The following CCP110 variants were observed in gnomAD, a reference collection of about 807,000 sequenced individuals.
CCP110 encodes centriolar coiled-coil protein of 110 kDa.
CCP110 carries 43 observed loss-of-function variants against 105.5 expected under a neutral mutation model. The observed-to-expected ratio is 0.41, with a 90% CI of 0.32 to 0.53. The LOEUF is 0.53. Ranked by LOEUF, CCP110 falls within the 20% of genes least tolerant of loss-of-function variation. The pLI is 0.32. For synonymous variants in CCP110, 353 were observed against 392.1 expected (o/e 0.90, Z 1.18); for missense variants, 1,016 against 1,189.1 (o/e 0.85, Z 2.14).
At position 19,536,706 on chromosome 16, in the gene CCP110, CT is replaced by C; in HGVS notation, c.1041del (p.Phe347LeufsTer25). ...AATTCTGATTTTAAAGTTATTCCCA[CT>C]TTTGTTACCGAAAATAATGTTATCA... On this transcript the variant is annotated frameshift_variant, in exon 4 of 15. Transcript: ENST00000381396. LOFTEE classifies it high-confidence loss of function. The C allele has an allele frequency of 1.9e-6, 3 of 1,614,186 alleles. No individual in the cohort carries two copies. The East Asian group carries it at 6.7e-5, about 36-fold the overall frequency.
At chr16:19,541,499 A>G (rs1421437403) in intron 5 of CCP110, among the ~76,000 whole-genome samples, 1 of 151,524 alleles carries the variant, frequency 6.6e-6, no homozygotes, top group East Asian at 2.0e-4. Flanking sequence ...TGGTGTATGG[A>G]CCTGTAGTCC....
intron 5 of CCP110, among the ~76,000 whole-genome samples, chr16:19,541,676 GA>G (rs1970288905): frequency 7.1e-6 from 1 of 140,110 alleles, no homozygotes; most frequent in African/African-American, 2.7e-5. Flanking sequence ...GAGAGAGAGA[GA>G]GAGAGAAAGG....
rs376141087 is a variant in CCP110 at position 19,527,587 on chromosome 16, G to A, written c.-15-280G>A. 1.8e-4 allele frequency among the ~76,000 whole-genome samples: 27 copies of A among 152,176 alleles called. No homozygotes were observed. The East Asian group carries it at 3.9e-3, about 22-fold the overall frequency. ...TACAGAACTTTGTTTCCTTTAAGAA[G>A]GTTTTACTGAATTCTTAGCTAAATT... On this transcript the variant is annotated intron_variant, in intron 1 of 14. Coordinates refer to ENST00000381396, the Ensembl canonical transcript of CCP110.
intron 4 of CCP110, among the ~76,000 whole-genome samples, chr16:19,540,444 G>A (rs1484390890): frequency 6.6e-6 from 1 of 152,188 alleles, no homozygotes; most frequent in Non-Finnish European, 1.5e-5. Flanking sequence ...TGTTGAATGA[G>A]TGGGTAAAGG....
In CCP110 at chr16:19,547,719, A is replaced by G. The variant is rs764932979; in HGVS notation, c.2841-236A>G. On this transcript the variant is annotated intron_variant, in intron 12 of 14. Transcript: ENST00000381396. ...TATCTAAAAGCACAAGGGTTAGTCTATATGTTGGACATTTCTTTGCTGATA... is the reference window on the plus strand; with the variant it reads ...TATCTAAAAGCACAAGGGTTAGTCTGTATGTTGGACATTTCTTTGCTGATA... The G allele has an allele frequency of 1.2e-4, 54 of 444,810 alleles. No homozygotes were observed. The Middle Eastern group carries it at 1.8e-3, about 15-fold the overall frequency. 27.6% of individuals were successfully genotyped at this position (444,810 alleles called of 1,614,324 possible).
intron 2 of CCP110, among the ~76,000 whole-genome samples, chr16:19,532,053 A>G (rs1237382411): frequency 1.3e-5 from 2 of 152,190 alleles, no homozygotes; most frequent in East Asian, 3.8e-4. Flanking sequence ...AGTGGCCAAA[A>G]GGGCCTTAAT....
chr16:19,530,087 C>T (rs1462098013), intron 2 of CCP110, among the ~76,000 whole-genome samples: 3 of 151,786 alleles, frequency 2.0e-5, no homozygotes, highest in African/African-American at 7.3e-5. Flanking sequence ...GTCTCAGCTG[C>T]TCTAGAGGCT....
At chr16:19,540,904 G>C in intron 5 of CCP110, 117 bp downstream of exon 5, 1 of 643,908 alleles carries the variant, frequency 1.6e-6, no homozygotes, top group Non-Finnish European at 2.5e-6. Context: ...TAAGGTAAGG[G>C]AGTCATTTTG....
chr16:19,545,836 G>A lies in CCP110; in HGVS notation c.2723G>A (p.Arg908Gln), dbSNP rs1265139140. The A allele has an allele frequency of 1.2e-6, 2 of 1,606,588 alleles. No individual in the cohort carries two copies. Among genetic ancestry groups the A allele is most frequent in the South Asian group, 1.1e-5 (1 of 90,776 alleles). ...TTAAAGGATAAAATGAAAAGTCCACGAGTGGCTCTTTCAGCTGCAACACAG... is the reference window on the plus strand; with the variant it reads ...TTAAAGGATAAAATGAAAAGTCCACAAGTGGCTCTTTCAGCTGCAACACAG... The change falls in exon 11 of 15, where the codon CGA becomes CAA. Residue 908 changes from arginine to glutamine, a missense_variant. Transcript: ENST00000381396.
At position 19,524,684 on chromosome 16, in the gene CCP110, T is replaced by G. The variant is rs1304190200; in HGVS notation, c.-16+596T>G. On this transcript the variant is annotated intron_variant, in intron 1 of 14. Transcript: ENST00000381396. ...CGATCCAAGCTCCCTACCCCCAGTT[T>G]AGGCAAATGGCAGCCATCTCGAGAT... The G allele has an allele frequency of 1.3e-5, 2 of 152,316 alleles. 1 individual carries two copies. Among genetic ancestry groups the G allele is most frequent in the Middle Eastern group, 6.8e-3 (2 of 294 alleles). 9.4% of individuals were successfully genotyped at this position (152,316 alleles called of 1,614,324 possible). A position where few individuals can be genotyped will look rare whatever the true frequency, so the allele number is the denominator to read the frequency against.
intron 2 of CCP110, among the ~76,000 whole-genome samples, chr16:19,528,305 C>T (rs1467458374): frequency 2.0e-5 from 3 of 152,178 alleles, no homozygotes; most frequent in Admixed American, 6.5e-5. Flanking sequence ...AATTTAAAAG[C>T]ATACATAGCC....
chr16:19,541,224 C>T (rs1275202605), intron 5 of CCP110, among the ~76,000 whole-genome samples: 2 of 151,318 alleles, frequency 1.3e-5, no homozygotes, highest in Admixed American at 1.3e-4. Flanking sequence ...TGTCTAGCCA[C>T]TGCACTCCAG....
At chr16:19,543,130 T>G (rs1597273468) in intron 8 of CCP110, 136 bp downstream of exon 8, 1 of 589,654 alleles carries the variant, frequency 1.7e-6, no homozygotes, top group East Asian at 2.9e-5. Flanking sequence ...AGAAGTCTGA[T>G]TGTTTGTTGC....
At chr16:19,531,170 T>C (rs1969853904) in intron 2 of CCP110, among the ~76,000 whole-genome samples, 1 of 152,220 alleles carries the variant, frequency 6.6e-6, no homozygotes, top group Non-Finnish European at 1.5e-5. Context: ...ATTTATCAGC[T>C]ATTTGATAAC....
chr16:19,548,260 T>A lies in CCP110; in HGVS notation c.2900+246T>A. 1 of 576,704 alleles carries A rather than the reference T, an allele frequency of 1.7e-6. No individual in the cohort carries two copies. Among genetic ancestry groups the A allele is most frequent in the Non-Finnish European group, 3.1e-6 (1 of 327,766 alleles). The allele number at this position is 576,704 out of a possible 1,614,324, so 35.7% of individuals were successfully genotyped here. A position where few individuals can be genotyped will look rare whatever the true frequency, so the allele number is the denominator to read the frequency against. On this transcript the variant is annotated intron_variant, in intron 13 of 14. Transcript: ENST00000381396. This position sits in a 1 kb window ranked among gnomAD's most constrained non-coding sequence, Gnocchi z 4.1. The stretch of plus-strand genomic sequence containing the variant: ...TACTTTTCATTTCATACCATTTTAC[T>A]CATAAAGTATTTTAAATATCCATAT...
chr16:19,542,674 T>C, exon 7 of CCP110: 1 of 1,613,548 alleles, frequency 6.2e-7, no homozygotes, highest in Non-Finnish European at 8.5e-7. Flanking sequence ...CGAAGCACCA[T>C]TCTACCTCTG....
exon 6 of CCP110, chr16:19,541,993 G>A (rs368856612): frequency 1.9e-6 from 3 of 1,612,574 alleles, no homozygotes; most frequent in Non-Finnish European, 2.5e-6. Context: ...AGAAAAATAA[G>A]TGACTCTAGT....
intron 5 of CCP110, 146 bp from the exon 6 acceptor site, chr16:19,541,741 G>GGGA: frequency 1.2e-5 from 4 of 333,192 alleles, no homozygotes; most frequent in Admixed American, 6.1e-5. Flanking sequence ...GAAGGGAGAA[G>GGGA]GAAGGAAGGA....
chr16:19,540,500 G>A (rs1439425709), intron 4 of CCP110, among the ~76,000 whole-genome samples, 157 bp from the exon 5 acceptor site: 1 of 152,176 alleles, frequency 6.6e-6, no homozygotes, highest in Admixed American at 6.5e-5. Flanking sequence ...GAAATAAAAG[G>A]AGTGTGGTTC....
Sources: allele counts gnomAD v4.1 joint callset (sites outside exome capture counted in the v4.1 genomes callset), GRCh38; gene constraint gnomAD v4.1.1; non-coding constraint Gnocchi (gnomAD v3.1); transcripts MANE v1.5; gene names NCBI Gene and HGNC (gene_info 2026-07-23, HGNC 2026-07-21).